Variants in SYNE2 observed in about 807,000 individuals in gnomAD.
SYNE2 encodes the protein nesprin-2.
In SYNE2, 431 loss-of-function variants were observed where a neutral mutation model predicts 856.3. The observed-to-expected ratio is 0.50, with a 90% confidence interval of 0.47 to 0.55. The LOEUF is 0.55. SYNE2 is among the 20% of genes least tolerant of loss of function. SYNE2 has a pLI of 0.00. For missense variants in SYNE2, 8,129 were observed against 8,023.2 expected (o/e 1.01, Z -0.50); for synonymous variants, 2,923 against 2,872.3 (o/e 1.02, Z -0.56).
chr14:63,814,485 T>A (rs983066695), intron 1 of SYNE2, among the ~76,000 whole-genome samples: 1 of 35,928 alleles, frequency 2.8e-5, no homozygotes, highest in Admixed American at 3.8e-4. Context: ...ATATATATCC[T>A]TATATATATC....
intron 65 of SYNE2, among the ~76,000 whole-genome samples, chr14:64,111,385 GT>G (rs2097805260): frequency 6.6e-6 from 1 of 152,114 alleles, no homozygotes. Flanking sequence ...ATCTTTGTCT[GT>G]AGCAATATCT....
rs1356556877 is a variant in SYNE2 at position 64,188,549 on chromosome 14, G to C, written c.17713-1G>C. 6.2e-7 allele frequency: 1 copy of C among 1,614,172 alleles called. No individual in the cohort carries two copies. The highest frequency in any genetic ancestry group is 1.7e-5 in the Admixed American group (1 of 60,014). ...GCTGCCAAATGTATTTTCATTTGCA[G>C]GTGGCCATACGTAAACAGGAGATTG... On this transcript the variant is annotated splice_acceptor_variant, in intron 97 of 115. Transcript: ENST00000555002. LOFTEE classifies it high-confidence loss of function.
At chr14:63,824,506 G>T (rs964619395) in intron 1 of SYNE2, among the ~76,000 whole-genome samples, 4 of 151,972 alleles carry the variant, frequency 2.6e-5, no homozygotes, top group African/African-American at 9.7e-5. Flanking sequence ...GGGTGTGGTG[G>T]CAGGTGCCTG....
At chr14:64,082,267 AGGTAATGG>A (rs1434120382) in intron 57 of SYNE2, among the ~76,000 whole-genome samples, 1 of 152,168 alleles carries the variant, frequency 6.6e-6, no homozygotes, top group Non-Finnish European at 1.5e-5. Context: ...TATATGATTA[AGGTAATGG>A]GGTAGTCACT....
At chr14:63,962,289 C>G (rs1225042672) in intron 9 of SYNE2, among the ~76,000 whole-genome samples, 1 of 152,030 alleles carries the variant, frequency 6.6e-6, no homozygotes, top group East Asian at 1.9e-4. Flanking sequence ...CCCCTGACTT[C>G]AAGTGATCCA....
chr14:63,827,625 C>CAAAAAAAAAAAA (rs11334415), intron 1 of SYNE2, among the ~76,000 whole-genome samples: 26 of 28,398 alleles, frequency 9.2e-4, no homozygotes, highest in Non-Finnish European at 1.3e-3. Context: ...AACTCTGTCT[C>CAAAAAAAAAAAA]AAAAAAAAAA....
At position 64,074,132 on chromosome 14, in the gene SYNE2, T is replaced by C; in HGVS notation, c.10862T>C (p.Phe3621Ser). 1 of 1,613,968 alleles carries C rather than the reference T, an allele frequency of 6.2e-7. No homozygotes were observed. Among genetic ancestry groups the C allele is most frequent in the Non-Finnish European group, 8.5e-7 (1 of 1,179,908 alleles). Residue 3621 changes from phenylalanine to serine, a missense_variant, in exon 53 of 116, where the codon TTT becomes TCT. By Grantham distance (155) the Phe-to-Ser change is radical. This residue lies in a region of SYNE2 where 5,410 missense variants were observed against 5,284.8 expected (regional missense o/e 1.02). Transcript: ENST00000555002. ...GATCACCCAGAAAAGTCAGAACAATTTGAGGTAAGTGAGGAATGAATTAGT... is the reference window on the plus strand; with the variant it reads ...GATCACCCAGAAAAGTCAGAACAATCTGAGGTAAGTGAGGAATGAATTAGT... Reference protein sequence around the residue: ...FQDHPEKSEQFEELQSILKKG... With the variant: ...FQDHPEKSEQSEELQSILKKG...
At chr14:63,805,665 G>A (rs1033323681) in intron 1 of SYNE2, among the ~76,000 whole-genome samples, 8 of 152,164 alleles carry the variant, frequency 5.3e-5, no homozygotes, top group African/African-American at 1.9e-4. Context: ...GAGCCACCGC[G>A]CCCGGCCATC....
intron 1 of SYNE2, among the ~76,000 whole-genome samples, chr14:63,770,040 A>G (rs981565335): frequency 7.2e-5 from 11 of 152,062 alleles, no homozygotes; most frequent in Admixed American, 3.9e-4. Flanking sequence ...CAGCCTCCCA[A>G]GTAGCTGGGA....
chr14:63,837,401 T>C (rs1373320674), intron 1 of SYNE2, among the ~76,000 whole-genome samples: 2 of 152,110 alleles, frequency 1.3e-5, no homozygotes, highest in Non-Finnish European at 2.9e-5. Flanking sequence ...GGTTTCTTAA[T>C]AGAATACCAA....
rs752161985 is a variant in SYNE2 at position 64,053,652 on chromosome 14, C to T, written c.9739C>T (p.Arg3247Cys). 16 of 1,612,558 alleles carry T rather than the reference C, an allele frequency of 9.9e-6. No individual in the cohort carries two copies. The highest frequency in any genetic ancestry group is 5.0e-5 in the Admixed American group (3 of 59,880). Reference sequence around the variant, plus strand: ...GCAGCTTAACACAAGCATTGATTTGCGCACAGTAAGTTTTAAAAATTATGC... The same window carrying T: ...GCAGCTTAACACAAGCATTGATTTGTGCACAGTAAGTTTTAAAAATTATGC... ...QMQLNTSIDLRTNVLNDAYEN... is the reference protein window; with the variant it reads ...QMQLNTSIDLCTNVLNDAYEN... Residue 3247 changes from arginine (R) to cysteine (C), a missense_variant, in exon 48 of 116, where the codon CGC becomes TGC. This residue lies in a region of SYNE2 where 5,410 missense variants were observed against 5,284.8 expected (regional missense o/e 1.02). Coordinates refer to ENST00000555002, the MANE Select transcript of SYNE2 (RefSeq NM_182914.3).
chr14:63,840,227 C>T (rs1052332214), intron 1 of SYNE2, among the ~76,000 whole-genome samples: 7 of 151,978 alleles, frequency 4.6e-5, no homozygotes, highest in South Asian at 4.2e-4. Context: ...GCTGAGACAG[C>T]GTCATTGCAC....
chr14:64,130,159 G>T lies in SYNE2; in HGVS notation c.14251G>T (p.Val4751Leu). 1 of 1,614,186 alleles carries T rather than the reference G, an allele frequency of 6.2e-7. No individual in the cohort carries two copies. Among genetic ancestry groups the T allele is most frequent in the South Asian group, 1.1e-5 (1 of 91,088 alleles). Residue 4751 changes from valine to leucine, a missense_variant, in exon 76 of 116, where the codon GTG becomes TTG. Val to Leu is a conservative substitution (Grantham distance 32, BLOSUM62 1). Coordinates refer to ENST00000555002, the MANE Select transcript of SYNE2 (RefSeq NM_182914.3). The stretch of plus-strand genomic sequence containing the variant: ...TTTGTTGCAAGGCATGGTGGAACTG[G>T]TGAAGATTGGGAAGGAAAAGCTTGC... ...DALLQGMVEL[V>L]KIGKEKLAHG...
At chr14:63,769,236 C>T (rs1377215333) in intron 1 of SYNE2, among the ~76,000 whole-genome samples, 1 of 152,146 alleles carries the variant, frequency 6.6e-6, no homozygotes, top group African/African-American at 2.4e-5. Context: ...GACTGTAGTG[C>T]CTGGGGAACA....
At chr14:64,193,693 A>C (rs1057489191) in intron 99 of SYNE2, among the ~76,000 whole-genome samples, 5 of 152,234 alleles carry the variant, frequency 3.3e-5, no homozygotes, top group African/African-American at 1.2e-4. Context: ...CACTGGAGGA[A>C]AAAATGGGAT....
At chr14:64,163,373 G>A in intron 88 of SYNE2, 29 bp from the exon 89 acceptor site, 1 of 1,612,746 alleles carries the variant, frequency 6.2e-7, no homozygotes, top group Non-Finnish European at 8.5e-7. Context: ...AGGAGGAAGA[G>A]GTGTTTGCCA....
At chr14:63,926,278 C>T (rs2153387071) in intron 2 of SYNE2, among the ~76,000 whole-genome samples, 1 of 143,416 alleles carries the variant, frequency 7.0e-6, no homozygotes, top group South Asian at 2.3e-4. Context: ...TACTTTCTGT[C>T]TCTACGAATT....
At chr14:64,017,490 G>A in intron 33 of SYNE2, 105 bp from the exon 34 acceptor site, 1 of 953,248 alleles carries the variant, frequency 1.0e-6, no homozygotes, top group Non-Finnish European at 1.7e-6. Context: ...AGATTATCCA[G>A]TAATAGTAAA....
At chr14:63,778,460 T>G (rs150439664) in intron 1 of SYNE2, among the ~76,000 whole-genome samples, 2,078 of 152,334 alleles carry the variant, frequency 0.014, 41 homozygotes, top group African/African-American at 0.047. Flanking sequence ...GAAAACATCA[T>G]GTTGTACACC....
Sources: allele counts gnomAD v4.1 joint callset (sites outside exome capture counted in the v4.1 genomes callset), GRCh38; gene constraint gnomAD v4.1.1; regional missense constraint gnomAD v4.1.1; transcripts MANE v1.5; gene names NCBI Gene and HGNC (gene_info 2026-07-23, HGNC 2026-07-21).